The following SLC4A1AP variants were observed in gnomAD, a reference collection of about 807,000 sequenced individuals.
SLC4A1AP encodes the protein solute carrier family 4 member 1 adaptor protein, also known as kanadaptin.
Under a neutral mutation model 89.7 loss-of-function variants are expected in SLC4A1AP, and 64 were observed. That is an observed-to-expected ratio of 0.71 (90% CI 0.58 to 0.88). The LOEUF (loss-of-function observed/expected upper bound fraction) is 0.88, where lower values mean the gene tolerates loss of function less well. SLC4A1AP is among the 40% of genes least tolerant of loss of function. The probability of loss-of-function intolerance (pLI) is 0.00; values close to 1 mark genes in which losing one functional copy is unlikely to be tolerated. For missense variants in SLC4A1AP, 931 were observed against 965.0 expected (o/e 0.96, Z 0.47); for synonymous variants, 366 against 353.3 (o/e 1.04, Z -0.40).
chr2:27,676,574 C>T (rs1558507453), intron 6 of SLC4A1AP, among the ~76,000 whole-genome samples: 1 of 151,924 alleles, frequency 6.6e-6, no homozygotes, highest in Non-Finnish European at 1.5e-5. Context: ...GTAATCCCAG[C>T]ACATTGGGAG....
intron 5 of SLC4A1AP, among the ~76,000 whole-genome samples, chr2:27,670,594 C>T (rs1391906881): frequency 6.6e-6 from 1 of 151,770 alleles, no homozygotes; most frequent in Non-Finnish European, 1.5e-5. Context: ...CGGTTGCTCA[C>T]GCCTGTAATC....
intron 5 of SLC4A1AP, among the ~76,000 whole-genome samples, chr2:27,674,377 A>G (rs1332636505): frequency 6.6e-6 from 1 of 152,160 alleles, no homozygotes; most frequent in African/African-American, 2.4e-5. Flanking sequence ...TTACATATTC[A>G]CTGTTATAAA....
exon 1 of SLC4A1AP, chr2:27,664,191 G>C: frequency 6.2e-7 from 1 of 1,614,118 alleles, no homozygotes; most frequent in Non-Finnish European, 8.5e-7. Context: ...TTCCCCTGGC[G>C]GTCCAGCCCG....
At chr2:27,687,983 C>G (rs771623967) in exon 11 of SLC4A1AP, 9 of 1,613,802 alleles carry the variant, frequency 5.6e-6, no homozygotes, top group Non-Finnish European at 7.6e-6. Context: ...ATTATCAAGA[C>G]TGTAGCAAAA....
Position 27,664,586 on chromosome 2 carries a change from A to G in SLC4A1AP, c.825+9A>G. The G allele has an allele frequency of 6.3e-7, 1 of 1,589,672 alleles. No individual in the cohort carries two copies. Among genetic ancestry groups the G allele is most frequent in the Non-Finnish European group, 8.6e-7 (1 of 1,164,926 alleles). On this transcript the variant is annotated intron_variant, in intron 1 of 13. Transcript: ENST00000613058. ...GGCTCTTTATCCTGCAGGTAGGTAG[A>G]AAAACCTAGAATTGAAATTTCGGGT...
chr2:27,665,397 A>C (rs1004480289), intron 2 of SLC4A1AP, 102 bp downstream of exon 2: 14 of 989,588 alleles, frequency 1.4e-5, no homozygotes, highest in Non-Finnish European at 1.9e-5. Flanking sequence ...TGGCTCCTTG[A>C]GATAGATAGG....
chr2:27,671,895 T>A (rs1675432271), intron 5 of SLC4A1AP, among the ~76,000 whole-genome samples: 1 of 152,220 alleles, frequency 6.6e-6, no homozygotes, highest in Admixed American at 6.5e-5. Context: ...TATTAATCCT[T>A]CTCTTCTGAA....
At chr2:27,675,752 T>G (rs1558507298) in intron 6 of SLC4A1AP, 60 bp downstream of exon 6, 8 of 1,088,882 alleles carry the variant, frequency 7.3e-6, no homozygotes, top group Non-Finnish European at 1.0e-5. Flanking sequence ...AATAACATAA[T>G]GTATTATTTA....
At chr2:27,668,005 C>T (rs1360786993) in intron 3 of SLC4A1AP, among the ~76,000 whole-genome samples, 2 of 152,084 alleles carry the variant, frequency 1.3e-5, no homozygotes, top group African/African-American at 4.8e-5. Context: ...GTGAACAGAG[C>T]TATGTATGGA....
intron 8 of SLC4A1AP, among the ~76,000 whole-genome samples, chr2:27,678,185 T>C (rs1479189604): frequency 6.6e-6 from 1 of 152,172 alleles, no homozygotes; most frequent in Non-Finnish European, 1.5e-5. Context: ...TTTTACTTAA[T>C]CTTTTAGTGT....
intron 6 of SLC4A1AP, among the ~76,000 whole-genome samples, chr2:27,676,355 A>T (rs1675522750): frequency 6.6e-6 from 1 of 152,350 alleles, no homozygotes; most frequent in African/African-American, 2.4e-5. Context: ...GTATTAATTT[A>T]TAGTAGGATT....
At chr2:27,668,569 C>CAA in intron 3 of SLC4A1AP, 2 of 601,200 alleles carry the variant, frequency 3.3e-6, no homozygotes, top group South Asian at 3.1e-5. Context: ...CCGGCCTTAG[C>CAA]CCCCGTAGTA....
exon 8 of SLC4A1AP, chr2:27,677,766 T>G (rs1373333346): frequency 6.2e-7 from 1 of 1,610,458 alleles, no homozygotes; most frequent in Non-Finnish European, 8.5e-7. Flanking sequence ...CTCAGGATTC[T>G]TTAGATGCGT....
At chr2:27,685,208 C>T (rs1157697599) in exon 10 of SLC4A1AP, 1 of 1,614,108 alleles carries the variant, frequency 6.2e-7, no homozygotes, top group Non-Finnish European at 8.5e-7. Flanking sequence ...AGAGATAGAG[C>T]CAGAAGCAGC....
chr2:27,675,643 T>C, exon 6 of SLC4A1AP: 1 of 1,605,122 alleles, frequency 6.2e-7, no homozygotes, highest in South Asian at 1.1e-5. Context: ...CTGAACAGAA[T>C]GAAGAAGGCT....
chr2:27,677,737 G>A lies in SLC4A1AP; in HGVS notation c.1577-1G>A. On this transcript the variant is annotated splice_acceptor_variant, in intron 7 of 13. Transcript: ENST00000613058. LOFTEE classifies it high-confidence loss of function. ...ACATGTGTTATTCTTTTCTTGGACA[G>A]TTCTATCAGAGTCTCCATCTCAGGA... 2 of 1,594,354 alleles carry A rather than the reference G, an allele frequency of 1.3e-6. No homozygotes were observed. The highest frequency in any genetic ancestry group is 2.7e-5 in the African/African-American group (2 of 73,720).
At chr2:27,677,913 A>T in exon 8 of SLC4A1AP, 1 of 1,594,522 alleles carries the variant, frequency 6.3e-7, no homozygotes, top group South Asian at 1.1e-5. Flanking sequence ...CAGAGATTCC[A>T]GAACTAAAAA....
intron 8 of SLC4A1AP, among the ~76,000 whole-genome samples, chr2:27,681,645 A>G (rs1229382555): frequency 6.6e-6 from 1 of 151,776 alleles, no homozygotes; most frequent in East Asian, 1.9e-4. Context: ...TGCCTTTCTA[A>G]TTTCTACTAT....
chr2:27,668,216 T>C (rs1000769521), intron 3 of SLC4A1AP, among the ~76,000 whole-genome samples: 1 of 152,068 alleles, frequency 6.6e-6, no homozygotes, highest in Non-Finnish European at 1.5e-5. Flanking sequence ...TGGTGCGATC[T>C]CGCCTCACTG....
Sources: allele counts gnomAD v4.1 joint callset (sites outside exome capture counted in the v4.1 genomes callset), GRCh38; gene constraint gnomAD v4.1.1; transcripts MANE v1.5; gene names NCBI Gene and HGNC (gene_info 2026-07-23, HGNC 2026-07-21).